Variants in LAMA2 observed in about 807,000 individuals in gnomAD.
LAMA2 encodes the protein laminin subunit alpha 2.
LAMA2 carries 269 observed loss-of-function variants against 364.8 expected under a neutral mutation model. That is an observed-to-expected ratio of 0.74 (90% CI 0.67 to 0.82). The LOEUF (loss-of-function observed/expected upper bound fraction) is 0.82. Among genes scored for constraint, LAMA2 ranks in the 40% least tolerant of loss-of-function variants. LAMA2 has a pLI of 0.00. For missense variants in LAMA2, 3,807 were observed against 3,873.2 expected, an observed-to-expected ratio of 0.98 and a Z score of 0.45; for synonymous variants, 1,379 against 1,370.6, an observed-to-expected ratio of 1.01 and a Z score of -0.14.
At chr6:129,245,448 A>G (rs1273726081) in intron 12 of LAMA2, among the ~76,000 whole-genome samples, 3 of 152,176 alleles carry the variant, frequency 2.0e-5, no homozygotes, top group Non-Finnish European at 2.9e-5. Flanking sequence ...GTAAAATCAG[A>G]GAAATCAATA....
chr6:129,012,478 A>G (rs2114697698), intron 1 of LAMA2, among the ~76,000 whole-genome samples: 1 of 152,310 alleles, frequency 6.6e-6, no homozygotes, highest in Admixed American at 6.5e-5. Context: ...TTCTGTGGAT[A>G]AAGTATACAT....
intron 1 of LAMA2, among the ~76,000 whole-genome samples, chr6:128,925,169 T>C (rs1283267188): frequency 6.6e-6 from 1 of 152,198 alleles, no homozygotes; most frequent in African/African-American, 2.4e-5. Context: ...TCTGGGAATA[T>C]GCCCCAAATA....
intron 4 of LAMA2, among the ~76,000 whole-genome samples, chr6:129,101,469 A>G (rs1324692029): frequency 1.3e-5 from 2 of 152,196 alleles, no homozygotes; most frequent in East Asian, 1.9e-4. Context: ...CTATCCGATT[A>G]CTATCTTTTG....
At chr6:129,200,263 CATATACAT>C (rs1782148526) in intron 12 of LAMA2, among the ~76,000 whole-genome samples, 2 of 128,618 alleles carry the variant, frequency 1.6e-5, no homozygotes, top group Admixed American at 1.4e-4. Context: ...TACGTGTACA[CATATACAT>C]GTGTATATAT....
At chr6:129,166,546 C>T (rs991621869) in intron 9 of LAMA2, among the ~76,000 whole-genome samples, 4 of 152,184 alleles carry the variant, frequency 2.6e-5, no homozygotes, top group East Asian at 1.9e-4. Flanking sequence ...TATTAAAAAA[C>T]GGATACGTTT....
intron 62 of LAMA2, among the ~76,000 whole-genome samples, chr6:129,509,504 C>G (rs145449678): frequency 3.9e-3 from 596 of 152,240 alleles, no homozygotes; most frequent in Non-Finnish European, 5.3e-3. Context: ...ATTCAAGTCT[C>G]TAATCCACTT....
rs141189508 is a variant in LAMA2, at chr6:129,329,455, G to C, written c.4311+1043G>C. Among the ~76,000 whole-genome samples, 181 of 152,136 alleles carry C rather than the reference G, an allele frequency of 1.2e-3. 1 individual carries two copies. Among genetic ancestry groups the C allele is most frequent in the Admixed American group, 0.011 (172 of 15,292 alleles). On this transcript the variant is annotated intron_variant, in intron 29 of 64. Transcript: ENST00000421865. ...TGGCTCACTGCAACCTCCGACTCCC[G>C]GGTTCAAGTGATTCTCATGCCTCAG... is the stretch of plus-strand genomic sequence containing the variant.
At chr6:128,950,490 A>G (rs1428216190) in intron 1 of LAMA2, among the ~76,000 whole-genome samples, 2 of 152,134 alleles carry the variant, frequency 1.3e-5, no homozygotes, top group Non-Finnish European at 2.9e-5. Flanking sequence ...TCTAAATTCT[A>G]CTAGGACTAG....
intron 3 of LAMA2, among the ~76,000 whole-genome samples, chr6:129,068,071 T>C (rs1773053712): frequency 6.6e-6 from 1 of 152,248 alleles, no homozygotes; most frequent in African/African-American, 2.4e-5. Flanking sequence ...TTGTAATCAT[T>C]GCTTTCTAAG....
chr6:129,389,605 G>A (rs549112903), intron 35 of LAMA2, among the ~76,000 whole-genome samples: 1 of 152,274 alleles, frequency 6.6e-6, no homozygotes, highest in East Asian at 1.9e-4. Context: ...AACTTATGAA[G>A]AAAAGACGTA....
intron 1 of LAMA2, among the ~76,000 whole-genome samples, chr6:128,911,299 C>T (rs951985339): frequency 3.3e-5 from 5 of 152,186 alleles, no homozygotes; most frequent in African/African-American, 1.2e-4. Flanking sequence ...ACTCCGTGGG[C>T]GTAGTACCTT....
rs551256564 is a variant in LAMA2, at chr6:129,440,868, C to T, written c.6138C>T (p.Asp2046=). Residue 2046 remains aspartate, a synonymous_variant, in exon 43 of 65, where the codon GAC becomes GAT. Coordinates refer to ENST00000421865, the MANE Select transcript of LAMA2 (RefSeq NM_000426.4). ...AGGACAAAGCCAGACAAGCCAACGA[C>T]ACAGCTAAAGATGTACTGGCACAGA... ...AVKDKARQAN[D]TAKDVLAQIT... 1.9e-6 allele frequency: 3 copies of T among 1,613,944 alleles called. No individual in the cohort carries two copies. Among genetic ancestry groups the T allele is most frequent in the Admixed American group, 1.7e-5 (1 of 59,986 alleles).
At chr6:128,904,850 C>A (rs1777321385) in intron 1 of LAMA2, among the ~76,000 whole-genome samples, 1 of 152,120 alleles carries the variant, frequency 6.6e-6, no homozygotes, top group Non-Finnish European at 1.5e-5. Flanking sequence ...ATATAATAAG[C>A]ATTGTTAATT....
At position 129,172,755 on chromosome 6, in the gene LAMA2, G is replaced by A. The variant is rs1242518509; in HGVS notation, c.1307-4951G>A. On this transcript the variant is annotated intron_variant, in intron 9 of 64. Transcript: ENST00000421865. ...ACCTAATCAAGCCTGGGCAATGGCG[G>A]CGCCCCTCCCCCAGCCTCGCTGCTG... 2.0e-5 allele frequency among the ~76,000 whole-genome samples: 3 copies of A among 152,328 alleles called. No homozygotes were observed. In the East Asian group the frequency reaches 5.8e-4, roughly 29 times the overall value.
intron 43 of LAMA2, among the ~76,000 whole-genome samples, chr6:129,441,710 G>A (rs184812692): frequency 2.8e-4 from 42 of 152,188 alleles, no homozygotes; most frequent in Middle Eastern, 3.4e-3. Flanking sequence ...CAGGTACAGT[G>A]GTTAACACCT....
chr6:129,369,814 T>C, intron 33 of LAMA2, 78 bp from the exon 34 acceptor site: 6 of 1,238,876 alleles, frequency 4.8e-6, no homozygotes, highest in Non-Finnish European at 7.2e-6. Flanking sequence ...TCCTTTTATA[T>C]ACAAAAATGT....
At chr6:128,895,920 C>A (rs1365030614) in intron 1 of LAMA2, among the ~76,000 whole-genome samples, 1 of 152,142 alleles carries the variant, frequency 6.6e-6, no homozygotes, top group African/African-American at 2.4e-5. Flanking sequence ...TGATTCTTTT[C>A]TCTGTGCCCA....
chr6:129,038,332 A>G (rs556021694), intron 1 of LAMA2, among the ~76,000 whole-genome samples: 1 of 152,196 alleles, frequency 6.6e-6, no homozygotes. Context: ...TAATCTTTCT[A>G]TCTTCACTCT....
intron 47 of LAMA2, 22 bp downstream of exon 47, chr6:129,454,310 A>G: frequency 1.3e-6 from 2 of 1,589,298 alleles, no homozygotes. Context: ...AATAAAGATT[A>G]AGATAATTAA....
Sources: allele counts gnomAD v4.1 joint callset (sites outside exome capture counted in the v4.1 genomes callset), GRCh38; gene constraint gnomAD v4.1.1; transcripts MANE v1.5; gene names NCBI Gene and HGNC (gene_info 2026-07-23, HGNC 2026-07-21).